PRKCZ: variants seen among roughly 807,000 people sequenced by gnomAD.
PRKCZ encodes the protein protein kinase C zeta, also known as protein kinase C zeta type.
PRKCZ carries 33 observed loss-of-function variants against 79.5 expected under a neutral mutation model. That is an observed-to-expected ratio of 0.41 (90% confidence interval 0.31 to 0.55). The LOEUF (loss-of-function observed/expected upper bound fraction) is 0.55, where lower values mean the gene tolerates loss of function less well. PRKCZ is among the 20% of genes least tolerant of loss of function. The probability of loss-of-function intolerance (pLI) is 0.19; values close to 1 mark genes in which losing one functional copy is unlikely to be tolerated. For synonymous variants in PRKCZ, 342 were observed against 320.9 expected (o/e 1.07, Z -0.70); for missense variants, 578 against 813.5 (o/e 0.71, Z 3.52).
rs968146755 is a variant in PRKCZ, at chr1:2,174,660, G to C, written c.1406-94G>C. On this transcript the variant is annotated intron_variant, in intron 14 of 17. Coordinates refer to ENST00000378567, the MANE Select transcript of PRKCZ (RefSeq NM_002744.6). This position sits in a 1 kb window ranked among gnomAD's most constrained non-coding sequence, Gnocchi z 6.2. ...AGGGGCTCCGGGGCCCCAAGGCTGA[G>C]CTCCCAAAGCTCTTGCTCAGAGTCA... The C allele has an allele frequency of 2.2e-6, 3 of 1,345,164 alleles. No homozygotes were observed. Among genetic ancestry groups the C allele is most frequent in the Non-Finnish European group, 3.1e-6 (3 of 960,558 alleles). The allele number at this position is 1,345,164 out of a possible 1,614,324, so 83.3% of individuals were successfully genotyped here.
chr1:2,052,524 T>C (rs184538207), intron 1 of PRKCZ, among the ~76,000 whole-genome samples: 1 of 150,140 alleles, frequency 6.7e-6, no homozygotes, highest in Admixed American at 6.6e-5. Context: ...TTCCTCCCCC[T>C]TCTAGGGCAC....
At chr1:2,155,273 G>GGTGGTGATGATGATGGTA (rs1056345615) in intron 9 of PRKCZ, among the ~76,000 whole-genome samples, 1 of 147,298 alleles carries the variant, frequency 6.8e-6, no homozygotes, top group Non-Finnish European at 1.5e-5. Context: ...GGATGACGGT[G>GGTGGTGATGATGATGGTA]GTGGTGATGA....
chr1:2,158,723 T>C (rs1321321160), intron 10 of PRKCZ, among the ~76,000 whole-genome samples: 1 of 152,190 alleles, frequency 6.6e-6, no homozygotes, highest in Non-Finnish European at 1.5e-5. Flanking sequence ...TCACTTCCCC[T>C]GAGTGGCCCA....
At chr1:2,147,104 A>T (rs898383779) in intron 7 of PRKCZ, among the ~76,000 whole-genome samples, 1 of 149,642 alleles carries the variant, frequency 6.7e-6, no homozygotes, top group African/African-American at 2.5e-5. Context: ...CCATGTATCT[A>T]TTGTCCACTG....
At chr1:2,050,825 G>T in intron 1 of PRKCZ, 124 bp downstream of exon 1, 3 of 589,960 alleles carry the variant, frequency 5.1e-6, no homozygotes, top group Non-Finnish European at 7.4e-6. Flanking sequence ...GCGGGCCCGG[G>T]GCTGTCGCGG....
chr1:2,107,088 G>A (rs1388335093), intron 4 of PRKCZ, among the ~76,000 whole-genome samples: 1 of 152,268 alleles, frequency 6.6e-6, no homozygotes, highest in Non-Finnish European at 1.5e-5. Flanking sequence ...AAGAAGGCCT[G>A]TGCCTCGCAG....
At position 2,173,863 on chromosome 1, in the gene PRKCZ, C is replaced by G. The variant is rs753052799; in HGVS notation, c.1286-34C>G. On this transcript the variant is annotated intron_variant, in intron 13 of 17. Transcript: ENST00000378567. The surrounding 1 kb of genome is among the most constrained non-coding windows in gnomAD (Gnocchi z 5.7). ...TTCGTCCTGCTGCCGGCCCATGTGGCCCCACTCGGTGATGGCTGTGTGCTC... is the reference window on the plus strand; with the variant it reads ...TTCGTCCTGCTGCCGGCCCATGTGGGCCCACTCGGTGATGGCTGTGTGCTC... 1.8e-5 allele frequency: 28 copies of G among 1,552,374 alleles called. No individual in the cohort carries two copies. The highest frequency in any genetic ancestry group is 2.4e-5 in the Non-Finnish European group (27 of 1,145,332).
Position 2,128,028 on chromosome 1 carries a change from C to G in PRKCZ, c.335-7234C>G, listed in dbSNP as rs747992300. Among the ~76,000 whole-genome samples the G allele has an allele frequency of 3.9e-5, 6 of 152,218 alleles. No individual in the cohort carries two copies. Among genetic ancestry groups the G allele is most frequent in the Non-Finnish European group, 8.8e-5 (6 of 68,036 alleles). ...CAGGTGGCCCCAGGCTCCTGGAGCT[C>G]AGAATCTAGTGGAAATCGCTGCCCA... On this transcript the variant is annotated intron_variant, in intron 4 of 17. Coordinates refer to ENST00000378567, the MANE Select transcript of PRKCZ (RefSeq NM_002744.6). The surrounding 1 kb of genome is among the most constrained non-coding windows in gnomAD (Gnocchi z 6.5).
chr1:2,085,546 C>T (rs1023385235), intron 4 of PRKCZ, among the ~76,000 whole-genome samples: 4 of 152,238 alleles, frequency 2.6e-5, no homozygotes, highest in Non-Finnish European at 5.9e-5. Flanking sequence ...TCTGAAGATG[C>T]CTGCTCAGAG....
intron 10 of PRKCZ, among the ~76,000 whole-genome samples, chr1:2,161,688 G>T (rs1682348771): frequency 6.6e-6 from 1 of 152,164 alleles, no homozygotes; most frequent in Non-Finnish European, 1.5e-5. Context: ...AGGACCGGGG[G>T]ACCTCCACTG....
At chr1:2,085,085 G>T (rs1365109829) in intron 4 of PRKCZ, among the ~76,000 whole-genome samples, 1 of 152,120 alleles carries the variant, frequency 6.6e-6, no homozygotes, top group Non-Finnish European at 1.5e-5. Context: ...GACCGACAAG[G>T]TGCTGTGTCC....
intron 16 of PRKCZ, chr1:2,184,330 G>T (rs1346458001): frequency 7.3e-6 from 3 of 413,154 alleles, no homozygotes; most frequent in African/African-American, 6.2e-5. Context: ...GGGTGGCTGG[G>T]GATCCTGCTC....
chr1:2,060,120 C>T (rs552447985), intron 4 of PRKCZ, among the ~76,000 whole-genome samples: 1 of 152,358 alleles, frequency 6.6e-6, no homozygotes, highest in East Asian at 1.9e-4. Context: ...CTACGCTGCT[C>T]TCGGGCCGCG....
chr1:2,076,622 ATCCCAG>A (rs1662469088), intron 4 of PRKCZ, among the ~76,000 whole-genome samples: 2 of 151,996 alleles, frequency 1.3e-5, no homozygotes, highest in South Asian at 4.2e-4. Flanking sequence ...AGCGCCTGTA[ATCCCAG>A]CCATTCAGGG....
In PRKCZ at chr1:2,135,175, G is replaced by T; in HGVS notation, c.335-87G>T. The T allele has an allele frequency of 5.9e-6, 7 of 1,179,202 alleles. No homozygotes were observed. In the South Asian group the frequency reaches 8.4e-5, roughly 14 times the overall value. 73.0% of individuals were successfully genotyped at this position (1,179,202 alleles called of 1,614,324 possible). A position where few individuals can be genotyped will look rare whatever the true frequency, so the allele number is the denominator to read the frequency against. On this transcript the variant is annotated intron_variant, in intron 4 of 17. Coordinates refer to ENST00000378567, the MANE Select transcript of PRKCZ (RefSeq NM_002744.6). ...GAGGACGCTGCGGCCGCCACCACCT[G>T]GACGGGAGTGGCCTGTCGCAGCTGC...
intron 1 of PRKCZ, among the ~76,000 whole-genome samples, chr1:2,053,603 C>T (rs970450083): frequency 6.6e-6 from 1 of 152,198 alleles, no homozygotes; most frequent in African/African-American, 2.4e-5. Flanking sequence ...TGACACTTCC[C>T]AAGCCCTGGG....
In PRKCZ at chr1:2,094,436, C is replaced by T. The variant is rs995503279; in HGVS notation, c.334+34845C>T. 6.6e-6 allele frequency among the ~76,000 whole-genome samples: 1 copy of T among 150,440 alleles called. No individual in the cohort carries two copies. Among genetic ancestry groups the T allele is most frequent in the Non-Finnish European group, 1.5e-5 (1 of 67,566 alleles). On this transcript the variant is annotated intron_variant, in intron 4 of 17. Coordinates refer to ENST00000378567, the MANE Select transcript of PRKCZ (RefSeq NM_002744.6). This position sits in a 1 kb window ranked among gnomAD's most constrained non-coding sequence, Gnocchi z 7.3. Reference sequence around the variant, plus strand: ...CGTTGAACCTTGGGCGCTGCCCGTTCTGAGGCACCCGCTGTGCCCGGCTCG... The same window carrying T: ...CGTTGAACCTTGGGCGCTGCCCGTTTTGAGGCACCCGCTGTGCCCGGCTCG...
At position 2,071,308 on chromosome 1, in the gene PRKCZ, A is replaced by G. The variant is rs770807564; in HGVS notation, c.334+11717A>G. On this transcript the variant is annotated intron_variant, in intron 4 of 17. Transcript: ENST00000378567. ...CGTCTCTCCCACCCAGGGAGGGTCA[A>G]GTGGGAAGAGAGCGGCCCCACCGAG... 2.0e-5 allele frequency: 9 copies of G among 459,154 alleles called. No homozygotes were observed. The East Asian group carries it at 5.5e-4, about 28-fold the overall frequency. 28.4% of individuals were successfully genotyped at this position (459,154 alleles called of 1,614,324 possible). A position where few individuals can be genotyped will look rare whatever the true frequency, so the allele number is the denominator to read the frequency against.
At chr1:2,060,479 G>A (rs1460176812) in intron 4 of PRKCZ, among the ~76,000 whole-genome samples, 1 of 109,846 alleles carries the variant, frequency 9.1e-6, no homozygotes, top group Non-Finnish European at 2.1e-5. Flanking sequence ...AGGTTTGGCA[G>A]TGCTTAGCAT....
Sources: allele counts gnomAD v4.1 joint callset (sites outside exome capture counted in the v4.1 genomes callset), GRCh38; gene constraint gnomAD v4.1.1; non-coding constraint Gnocchi (gnomAD v3.1); transcripts MANE v1.5; gene names NCBI Gene and HGNC (gene_info 2026-07-23, HGNC 2026-07-21).